KCNU1: variants seen among roughly 807,000 people sequenced by gnomAD.
KCNU1 encodes the protein potassium calcium-activated channel subfamily U member 1, also known as potassium channel subfamily U member 1.
Under a neutral mutation model 126.8 loss-of-function variants are expected in KCNU1, and 93 were observed. The observed-to-expected ratio is 0.73, with a 90% CI of 0.62 to 0.87. KCNU1 has a LOEUF of 0.87. Ranked by LOEUF, KCNU1 falls within the 40% of genes least tolerant of loss-of-function variation. The pLI is 0.00. For synonymous variants in KCNU1, 523 were observed against 494.2 expected (o/e 1.06, Z -0.77); for missense variants, 1,330 against 1,367.1 (o/e 0.97, Z 0.43).
At chr8:36,828,104 T>C (rs921746998) in intron 10 of KCNU1, among the ~76,000 whole-genome samples, 5 of 152,046 alleles carry the variant, frequency 3.3e-5, no homozygotes, top group Admixed American at 2.0e-4. Context: ...AATCACTTCT[T>C]GTTTTTTGTT....
chr8:36,787,694 A>G (rs1308026450), intron 2 of KCNU1, among the ~76,000 whole-genome samples: 2 of 147,102 alleles, frequency 1.4e-5, no homozygotes, highest in Non-Finnish European at 3.0e-5. Context: ...ATCATATGAT[A>G]TGTTGTTAAT....
chr8:36,875,640 G>A (rs1343317970), intron 19 of KCNU1, among the ~76,000 whole-genome samples: 1 of 151,918 alleles, frequency 6.6e-6, no homozygotes, highest in Non-Finnish European at 1.5e-5. Flanking sequence ...TTTACTTATT[G>A]CATGTAATAA....
chr8:36,840,303 A>G (rs1242909038), intron 14 of KCNU1, among the ~76,000 whole-genome samples, 160 bp from the exon 15 acceptor site: 1 of 152,222 alleles, frequency 6.6e-6, no homozygotes, highest in African/African-American at 2.4e-5. Context: ...CTTTTTAGTT[A>G]TTCCTTTAAC....
At position 36,922,545 on chromosome 8, in the gene KCNU1, C is replaced by T; in HGVS notation, c.2652C>T (p.Leu884=). 6.2e-7 allele frequency: 1 copy of T among 1,613,682 alleles called. No individual in the cohort carries two copies. The highest frequency in any genetic ancestry group is 1.1e-5 in the South Asian group (1 of 91,064). ...IEQLGGLEGS[L]QETNLHLSTA... is the part of the protein sequence containing the mutation. ...AGCTTGGTGGACTGGAAGGGTCCCT[C>T]CAAGAAACAAATCTGCATCTCAGCA... Residue 884 remains leucine (L), a synonymous_variant, in exon 24 of 27, where the codon CTC becomes CTT. Coordinates refer to ENST00000399881, the MANE Select transcript of KCNU1 (RefSeq NM_001031836.3).
At chr8:36,814,701 A>G (rs1388571583) in intron 8 of KCNU1, among the ~76,000 whole-genome samples, 5 of 152,226 alleles carry the variant, frequency 3.3e-5, no homozygotes. Flanking sequence ...CTAAAGAGGA[A>G]GGATATTTGA....
At chr8:36,810,214 T>C (rs914735875) in intron 7 of KCNU1, among the ~76,000 whole-genome samples, 1 of 150,714 alleles carries the variant, frequency 6.6e-6, no homozygotes, top group Non-Finnish European at 1.5e-5. Context: ...ATTGCACCAC[T>C]GCACTCCAGC....
chr8:36,819,918 C>A (rs1435929532), intron 10 of KCNU1, among the ~76,000 whole-genome samples: 1 of 152,102 alleles, frequency 6.6e-6, no homozygotes. Flanking sequence ...AAATAGAACA[C>A]AGAAGATGTG....
At chr8:36,896,652 G>A (rs887545866) in intron 19 of KCNU1, among the ~76,000 whole-genome samples, 1 of 151,994 alleles carries the variant, frequency 6.6e-6, no homozygotes, top group African/African-American at 2.4e-5. Flanking sequence ...TGAGAAAGAA[G>A]GTCCGTTCCT....
chr8:36,906,133 T>G (rs1426105967), intron 20 of KCNU1, among the ~76,000 whole-genome samples: 1 of 151,784 alleles, frequency 6.6e-6, no homozygotes, highest in African/African-American at 2.4e-5. Flanking sequence ...TAAATCTAAT[T>G]AATTTAAATG....
intron 22 of KCNU1, among the ~76,000 whole-genome samples, chr8:36,911,540 T>G (rs371910554): frequency 4.6e-4 from 70 of 152,300 alleles, no homozygotes; most frequent in African/African-American, 1.6e-3. Context: ...GTTAGTTTTG[T>G]GGTTGAGAGA....
rs777780567 is a variant in KCNU1, at chr8:36,935,937, C to G, written c.*17C>G. On this transcript the variant is annotated 3_prime_UTR_variant, in exon 27 of 27. Transcript: ENST00000399881. ...CCACTATAGACCTGCCCATATTCTT[C>G]ACGTGCTCTTAACTTGCTGCTTACA... is the stretch of plus-strand genomic sequence containing the variant. 5.2e-6 allele frequency: 8 copies of G among 1,528,136 alleles called. No individual in the cohort carries two copies. In the Admixed American group the frequency reaches 1.7e-4, roughly 33 times the overall value. 94.7% of individuals were successfully genotyped at this position (1,528,136 alleles called of 1,614,324 possible).
At position 36,796,777 on chromosome 8, in the gene KCNU1, T is replaced by C. The variant is rs573704484; in HGVS notation, c.316-7250T>C. Reference sequence around the variant, plus strand: ...TCTTTCTTATTTCTTCTTAAGTATGTCTCTTGGAAGTGTCATATAGCTGGA... The same window carrying C: ...TCTTTCTTATTTCTTCTTAAGTATGCCTCTTGGAAGTGTCATATAGCTGGA... On this transcript the variant is annotated intron_variant, in intron 2 of 26. Coordinates refer to ENST00000399881, the MANE Select transcript of KCNU1 (RefSeq NM_001031836.3). Among the ~76,000 whole-genome samples the C allele has an allele frequency of 7.9e-4, 121 of 152,318 alleles. 1 individual carries two copies. Among genetic ancestry groups the C allele is most frequent in the Non-Finnish European group, 1.6e-3 (108 of 68,028 alleles).
chr8:36,895,945 G>T (rs1046605783), intron 19 of KCNU1, among the ~76,000 whole-genome samples: 17 of 152,062 alleles, frequency 1.1e-4, no homozygotes, highest in African/African-American at 4.1e-4. Flanking sequence ...TGCTCTTGGA[G>T]CACTATTGGT....
intron 2 of KCNU1, among the ~76,000 whole-genome samples, chr8:36,802,671 A>C (rs1803356038): frequency 6.6e-6 from 1 of 152,170 alleles, no homozygotes; most frequent in Non-Finnish European, 1.5e-5. Context: ...AGGGAACCGC[A>C]AATGGGATGC....
intron 23 of KCNU1, among the ~76,000 whole-genome samples, chr8:36,919,428 CA>C (rs10699066): frequency 0.24 from 26,209 of 109,362 alleles, 2,509 homozygotes; most frequent in Middle Eastern, 0.43. Flanking sequence ...CTAAAATAGG[CA>C]AAAAAAAAAA....
At chr8:36,821,672 C>T (rs1054882671) in intron 10 of KCNU1, among the ~76,000 whole-genome samples, 1 of 152,078 alleles carries the variant, frequency 6.6e-6, no homozygotes, top group African/African-American at 2.4e-5. Flanking sequence ...AATAGCAATT[C>T]CTCTTTATAC....
At chr8:36,817,258 G>T (rs1395327670) in intron 9 of KCNU1, among the ~76,000 whole-genome samples, 1 of 151,650 alleles carries the variant, frequency 6.6e-6, no homozygotes, top group Non-Finnish European at 1.5e-5. Context: ...CCAGCATTTT[G>T]GGAGGCTGAG....
intron 19 of KCNU1, among the ~76,000 whole-genome samples, chr8:36,886,633 T>C (rs1255008657): frequency 1.3e-5 from 2 of 152,156 alleles, no homozygotes; most frequent in Non-Finnish European, 2.9e-5. Context: ...ATGTTTACCT[T>C]GGGGTGGAGA....
At chr8:36,807,214 T>G (rs1406830430) in intron 5 of KCNU1, among the ~76,000 whole-genome samples, 161 bp from the exon 6 acceptor site, 1 of 152,194 alleles carries the variant, frequency 6.6e-6, no homozygotes, top group East Asian at 1.9e-4. Flanking sequence ...AGGGCTAGTA[T>G]TTGAACTACA....
Sources: allele counts gnomAD v4.1 joint callset (sites outside exome capture counted in the v4.1 genomes callset), GRCh38; gene constraint gnomAD v4.1.1; transcripts MANE v1.5; gene names NCBI Gene and HGNC (gene_info 2026-07-23, HGNC 2026-07-21).